HSPBP1: variants seen among roughly 807,000 people sequenced by gnomAD.
HSPBP1 encodes the protein hsp70-binding protein 1.
HSPBP1 carries 31 observed loss-of-function variants against 41.7 expected under a neutral mutation model. The observed-to-expected ratio is 0.74, with a 90% CI of 0.56 to 1.00. The LOEUF (loss-of-function observed/expected upper bound fraction) is 1.00. Among genes scored for constraint, HSPBP1 ranks in the 50% least tolerant of loss-of-function variants. The probability of loss-of-function intolerance (pLI) is 0.00; values close to 1 mark genes in which losing one functional copy is unlikely to be tolerated. For missense variants in HSPBP1, 439 were observed against 487.9 expected, an observed-to-expected ratio of 0.90 and a Z score of 0.94; for synonymous variants, 199 against 214.4, an observed-to-expected ratio of 0.93 and a Z score of 0.63.
chr19:55,268,801 C>T lies in HSPBP1; in HGVS notation c.641-2515G>A, dbSNP rs1433162273. ...TTTATGCCTCAACCTACCGAGTAGC[C>T]GAGATTACAGGCATGCCCCACCATG... On this transcript the variant is annotated intron_variant, in intron 4 of 7. Coordinates refer to ENST00000433386, the MANE Select transcript of HSPBP1 (RefSeq NM_012267.5). This position sits in a 1 kb window ranked among gnomAD's most constrained non-coding sequence, Gnocchi z 4.5. Among the ~76,000 whole-genome samples the T allele has an allele frequency of 2.0e-5, 3 of 151,962 alleles. No homozygotes were observed. Among genetic ancestry groups the T allele is most frequent in the East Asian group, 3.9e-4 (2 of 5,160 alleles).
rs776519366 is a variant in HSPBP1, at chr19:55,279,393, C to A, written c.210+6G>T. 1.9e-6 allele frequency: 3 copies of A among 1,583,060 alleles called. No homozygotes were observed. On this transcript the variant is annotated splice_donor_region_variant and intron_variant, in intron 2 of 7. Transcript: ENST00000433386. Reference sequence around the variant, plus strand: ...CACCCCAGCTTCTTGGGTCCCCATCCTTTACCTCCTCACTCATCGGTTCTG... The same window carrying A: ...CACCCCAGCTTCTTGGGTCCCCATCATTTACCTCCTCACTCATCGGTTCTG...
rs1401883556 is a variant in HSPBP1, at chr19:55,270,605, G to A, written c.640+3793C>T. 1.3e-5 allele frequency among the ~76,000 whole-genome samples: 2 copies of A among 152,098 alleles called. No homozygotes were observed. Among genetic ancestry groups the A allele is most frequent in the Admixed American group, 6.5e-5 (1 of 15,268 alleles). On this transcript the variant is annotated intron_variant, in intron 4 of 7. Transcript: ENST00000433386. This position sits in a 1 kb window ranked among gnomAD's most constrained non-coding sequence, Gnocchi z 5.4. ...AAAGGACAGAGGCAGGTCAAGGTGC[G>A]CCACAGTCAGGATGGCCTGTGCCAG...
rs116602640 is a variant in HSPBP1, at chr19:55,272,910, C to T, written c.640+1488G>A. 4.2e-3 allele frequency among the ~76,000 whole-genome samples: 643 copies of T among 152,198 alleles called. 4 individuals carry two copies. The highest frequency in any genetic ancestry group is 0.015 in the African/African-American group (617 of 41,534). On this transcript the variant is annotated intron_variant, in intron 4 of 7. Coordinates refer to ENST00000433386, the MANE Select transcript of HSPBP1 (RefSeq NM_012267.5). This position sits in a 1 kb window ranked among gnomAD's most constrained non-coding sequence, Gnocchi z 4.2. ...TAGTGACTGCCGATAGCCATACCAC[C>T]CCGAACGCGTCTGATCACATCTAAA...
intron 3 of HSPBP1, among the ~76,000 whole-genome samples, chr19:55,276,142 C>T (rs1328230127): frequency 1.4e-5 from 2 of 146,226 alleles, no homozygotes; most frequent in African/African-American, 5.1e-5. Flanking sequence ...AAAGCTCTGA[C>T]ACACGCCACA....
At chr19:55,267,652 G>C (rs2087823017) in intron 4 of HSPBP1, among the ~76,000 whole-genome samples, 1 of 151,736 alleles carries the variant, frequency 6.6e-6, no homozygotes, top group Admixed American at 6.6e-5. Context: ...GTAGAGACAG[G>C]GTTTTGCCAT....
rs1331896267 is a variant in HSPBP1 at position 55,264,566 on chromosome 19, A to G, written c.1005+712T>C. Reference sequence around the variant, plus strand: ...ATTTATCACTTGTTATTTACCCAAAATAATTGGTTATTTTTTGCCATTTGT... The same window carrying G: ...ATTTATCACTTGTTATTTACCCAAAGTAATTGGTTATTTTTTGCCATTTGT... On this transcript the variant is annotated intron_variant, in intron 7 of 7. Coordinates refer to ENST00000433386, the MANE Select transcript of HSPBP1 (RefSeq NM_012267.5). Among the ~76,000 whole-genome samples, 8 of 152,190 alleles carry G rather than the reference A, an allele frequency of 5.3e-5. No individual in the cohort carries two copies. In the South Asian group the frequency reaches 1.4e-3, roughly 28 times the overall value.
chr19:55,266,163 T>C lies in HSPBP1; in HGVS notation c.764A>G (p.Gln255Arg). The change falls in exon 5 of 8, where the codon CAG becomes CGG. Residue 255 changes from glutamine (Q) to arginine (R), a missense_variant. By Grantham distance (43) the Gln-to-Arg change is conservative. Coordinates refer to ENST00000433386, the MANE Select transcript of HSPBP1 (RefSeq NM_012267.5). ...TTCAGGGTGGCCCACCAGCAGGTTC[T>C]GCAGCAGGAATGCTGATTTGACCTT... Reference protein sequence around the residue: ...KLKVKSAFLLQNLLVGHPEHK... With the variant: ...KLKVKSAFLLRNLLVGHPEHK... The C allele has an allele frequency of 3.1e-6, 5 of 1,596,474 alleles. No individual in the cohort carries two copies. Among genetic ancestry groups the C allele is most frequent in the Non-Finnish European group, 4.3e-6 (5 of 1,171,728 alleles).
chr19:55,274,439 G>A lies in HSPBP1; in HGVS notation c.599C>T (p.Ala200Val), dbSNP rs1484044356. 2 of 1,582,812 alleles carry A rather than the reference G, an allele frequency of 1.3e-6. No individual in the cohort carries two copies. Among genetic ancestry groups the A allele is most frequent in the Non-Finnish European group, 1.7e-6 (2 of 1,170,400 alleles). The change falls in exon 4 of 8, where the codon GCC (alanine) becomes GTC (valine). Residue 200 changes from alanine to valine, a missense_variant. Transcript: ENST00000433386. Reference protein sequence around the residue: ...RKLLRLLDRDACDTVRVKALF... With the variant: ...RKLLRLLDRDVCDTVRVKALF... ...GGCCTTGACGCGCACCGTGTCGCAGGCGTCGCGGTCCAGCAGCCGCAGCAG... is the reference window on the plus strand; with the variant it reads ...GGCCTTGACGCGCACCGTGTCGCAGACGTCGCGGTCCAGCAGCCGCAGCAG...
intron 7 of HSPBP1, among the ~76,000 whole-genome samples, 189 bp downstream of exon 7, chr19:55,265,089 C>T (rs2087737446): frequency 6.7e-6 from 1 of 150,008 alleles, no homozygotes; most frequent in Non-Finnish European, 1.5e-5. Context: ...CCCTGCCCCT[C>T]ACACCTAGTC....
At position 55,279,504 on chromosome 19, in the gene HSPBP1, GC is replaced by G; in HGVS notation, c.104del (p.Gly35AlafsTer33). ...TGCGTGGGGGCCGGGAATTGCCCGA[GC>G]CCCCAGCCGAGGAGCCGCCGCCGCC... ...GGGGGGSSAG[G>X]SGNSRPPRNL... is the part of the protein sequence containing the mutation. On this transcript the variant is annotated frameshift_variant, in exon 2 of 8. Coordinates refer to ENST00000433386, the MANE Select transcript of HSPBP1 (RefSeq NM_012267.5). LOFTEE classifies it high-confidence loss of function. 1 of 1,508,436 alleles carries G rather than the reference GC, an allele frequency of 6.6e-7. No individual in the cohort carries two copies. The allele number at this position is 1,508,436 out of a possible 1,614,324, so 93.4% of individuals were successfully genotyped here. A position where few individuals can be genotyped will look rare whatever the true frequency, so the allele number is the denominator to read the frequency against.
At chr19:55,265,615 T>G (rs2087754798) in intron 6 of HSPBP1, among the ~76,000 whole-genome samples, 2 of 151,968 alleles carry the variant, frequency 1.3e-5, no homozygotes, top group African/African-American at 4.8e-5. Context: ...TCTGGTGTGC[T>G]GTTGAGAGCT....
intron 4 of HSPBP1, among the ~76,000 whole-genome samples, chr19:55,271,735 A>G (rs2087928934): frequency 6.6e-6 from 1 of 152,124 alleles, no homozygotes; most frequent in African/African-American, 2.4e-5. Context: ...CCCCCATTTC[A>G]ATGACCAGAT....
rs776203036 is a variant in HSPBP1 at position 55,277,668 on chromosome 19, A to T, written c.389T>A (p.Leu130Gln). The change falls in exon 3 of 8, where the codon CTG becomes CAG. Residue 130 changes from leucine to glutamine, a missense_variant. Leu to Gln is a moderately radical substitution (Grantham distance 113). Transcript: ENST00000433386. Reference protein sequence around the residue: ...REGALELLADLCENMDNAADF... With the variant: ...REGALELLADQCENMDNAADF... ...TGCGGCATTGTCCATGTTCTCACAC[A>T]GGTCGGCCAGCAGCTCCAGGGCCCC... 2 of 1,606,026 alleles carry T rather than the reference A, an allele frequency of 1.2e-6. No homozygotes were observed. Among genetic ancestry groups the T allele is most frequent in the Non-Finnish European group, 8.5e-7 (1 of 1,177,394 alleles).
Position 55,278,620 on chromosome 19 carries a change from C to T in HSPBP1, c.211-774G>A, listed in dbSNP as rs1217852064. 3.9e-5 allele frequency among the ~76,000 whole-genome samples: 6 copies of T among 151,948 alleles called. No individual in the cohort carries two copies. The South Asian group carries it at 6.2e-4, about 16-fold the overall frequency. Reference sequence around the variant, plus strand: ...CAATTGGCAAAGCCTGAAATCAAACCCAAGCAGTCTAGGCTGGGCGTGCTG... The same window carrying T: ...CAATTGGCAAAGCCTGAAATCAAACTCAAGCAGTCTAGGCTGGGCGTGCTG... On this transcript the variant is annotated intron_variant, in intron 2 of 7. Transcript: ENST00000433386.
rs774658898 is a variant in HSPBP1 at position 55,265,264 on chromosome 19, C to A, written c.1005+14G>T. 2.5e-6 allele frequency: 4 copies of A among 1,575,156 alleles called. No individual in the cohort carries two copies. The highest frequency in any genetic ancestry group is 3.5e-6 in the Non-Finnish European group (4 of 1,150,894). On this transcript the variant is annotated intron_variant, in intron 7 of 7. Transcript: ENST00000433386. ...CACCTGGTCCTCCTTGCACCCCGTCCCCTCCCCATGTACCTGGTACTCCTC... is the reference window on the plus strand; with the variant it reads ...CACCTGGTCCTCCTTGCACCCCGTCACCTCCCCATGTACCTGGTACTCCTC...
Position 55,266,279 on chromosome 19 carries a change from G to C in HSPBP1, c.648C>G (p.Val216=), listed in dbSNP as rs1176042949. The C allele has an allele frequency of 1.3e-6, 2 of 1,574,302 alleles. No homozygotes were observed. Among genetic ancestry groups the C allele is most frequent in the Admixed American group, 1.9e-5 (1 of 53,974 alleles). The change falls in exon 5 of 8, where the codon GTC becomes GTG. Residue 216 remains valine, a synonymous_variant. Coordinates refer to ENST00000433386, the MANE Select transcript of HSPBP1 (RefSeq NM_012267.5). ...GCAGCAGCCCAGCCTCCTGCTCTCG[G>C]ACCAGACCTGGGAGAGGGGGAAAGG... ...VKALFAISCL[V]REQEAGLLQF...
chr19:55,274,714 C>G, intron 3 of HSPBP1, 92 bp from the exon 4 acceptor site: 1 of 1,049,494 alleles, frequency 9.5e-7, no homozygotes, highest in Non-Finnish European at 1.4e-6. Context: ...ACCCCCAGTA[C>G]CTTGGAATGT....
chr19:55,267,738 C>T (rs114137633), intron 4 of HSPBP1, among the ~76,000 whole-genome samples: 1,763 of 152,334 alleles, frequency 0.012, 48 homozygotes, highest in African/African-American at 0.04. Context: ...GGATTACAGG[C>T]GTGAGCCACC....
rs148700445 is a variant in HSPBP1, at chr19:55,277,337, C to T, written c.415+305G>A. Among the ~76,000 whole-genome samples, 812 of 152,336 alleles carry T rather than the reference C, an allele frequency of 5.3e-3. 3 individuals carry two copies. Among genetic ancestry groups the T allele is most frequent in the Non-Finnish European group, 9.2e-3 (623 of 68,036 alleles). ...TCAGGTCTCTGATCAAACGTCACCC[C>T]GGGGAGGCCTTCTCTGCCACCCCAC... On this transcript the variant is annotated intron_variant, in intron 3 of 7. Transcript: ENST00000433386.
Sources: allele counts gnomAD v4.1 joint callset (sites outside exome capture counted in the v4.1 genomes callset), GRCh38; gene constraint gnomAD v4.1.1; non-coding constraint Gnocchi (gnomAD v3.1); transcripts MANE v1.5; gene names NCBI Gene and HGNC (gene_info 2026-07-23, HGNC 2026-07-21).